IGF1: variants seen among roughly 807,000 people sequenced by gnomAD.
IGF1 encodes insulin-like growth factor 1.
A neutral mutation model predicts 13.8 loss-of-function variants in IGF1; 4 were observed. The observed-to-expected ratio is 0.29, with a 90% CI of 0.14 to 0.66. The LOEUF (loss-of-function observed/expected upper bound fraction) is 0.66, where lower values mean the gene tolerates loss of function less well. Among genes scored for constraint, IGF1 ranks in the 30% least tolerant of loss-of-function variants. The pLI is 0.78. For synonymous variants in IGF1, 76 were observed against 72.6 expected, an observed-to-expected ratio of 1.05 and a Z score of -0.23; for missense variants, 124 against 188.5, an observed-to-expected ratio of 0.66 and a Z score of 2.00.
At chr12:102,420,472 A>G (rs2137005017) in intron 2 of IGF1, among the ~76,000 whole-genome samples, 2 of 152,350 alleles carry the variant, frequency 1.3e-5, no homozygotes, top group South Asian at 4.1e-4. Flanking sequence ...CCTGACATAT[A>G]GTGTAAGTCG....
intron 2 of IGF1, among the ~76,000 whole-genome samples, chr12:102,451,580 A>G (rs969879076): frequency 6.6e-6 from 1 of 152,262 alleles, no homozygotes; most frequent in African/African-American, 2.4e-5. Context: ...GATGAGAAAG[A>G]TATTCCAACC....
At chr12:102,442,649 C>G (rs978464859) in intron 2 of IGF1, among the ~76,000 whole-genome samples, 2 of 152,038 alleles carry the variant, frequency 1.3e-5, no homozygotes, top group African/African-American at 4.8e-5. Context: ...TTGGCACCAT[C>G]CAACAATAAC....
intron 2 of IGF1, among the ~76,000 whole-genome samples, chr12:102,427,693 C>A (rs945261717): frequency 1.3e-5 from 2 of 152,056 alleles, no homozygotes; most frequent in Admixed American, 6.6e-5. Context: ...GTGGACGCTC[C>A]TTAAAGAGAG....
At chr12:102,427,823 G>T (rs1027113990) in intron 2 of IGF1, among the ~76,000 whole-genome samples, 15 of 152,142 alleles carry the variant, frequency 9.9e-5, no homozygotes, top group African/African-American at 3.6e-4. Context: ...TTGAACACAG[G>T]AGAGAGGGAA....
At chr12:102,429,778 T>C (rs1011092861) in intron 2 of IGF1, among the ~76,000 whole-genome samples, 2 of 152,216 alleles carry the variant, frequency 1.3e-5, no homozygotes, top group African/African-American at 2.4e-5. Context: ...TACTCAAACA[T>C]GCTGTGAATG....
At chr12:102,417,954 C>T (rs1315701441) in intron 3 of IGF1, 2 of 1,613,590 alleles carry the variant, frequency 1.2e-6, no homozygotes, top group South Asian at 1.1e-5. Context: ...CTTTGGCCAA[C>T]CTTTCCTTCT....
At chr12:102,424,059 A>G (rs879331950) in intron 2 of IGF1, among the ~76,000 whole-genome samples, 1 of 152,120 alleles carries the variant, frequency 6.6e-6, no homozygotes, top group Admixed American at 6.5e-5. Context: ...TTTCAACTCT[A>G]TCATTGGAAA....
At chr12:102,435,460 G>A (rs1877146512) in intron 2 of IGF1, among the ~76,000 whole-genome samples, 1 of 152,186 alleles carries the variant, frequency 6.6e-6, no homozygotes, top group Admixed American at 6.5e-5. Flanking sequence ...ATGTGTATTG[G>A]CATCATCAAT....
At position 102,397,002 on chromosome 12, in the gene IGF1, A is replaced by T. The variant is rs1140655; in HGVS notation, c.*5505T>A. The T allele has an allele frequency of 0.67, 263,626 of 394,082 alleles. 89,252 individuals carry two copies. Among genetic ancestry groups the T allele is most frequent in the Non-Finnish European group, 0.7 (156,745 of 223,736 alleles). The allele number at this position is 394,082 out of a possible 1,614,324, so 24.4% of individuals were successfully genotyped here. A position where few individuals can be genotyped will look rare whatever the true frequency, so the allele number is the denominator to read the frequency against. ...CAAATCACAAGGTCAGGAGTTTGAG[A>T]CCAACCTGGCCAACATGGTAAAACC... On this transcript the variant is annotated 3_prime_UTR_variant, in exon 4 of 4. Coordinates refer to ENST00000337514, the MANE Select transcript of IGF1 (RefSeq NM_000618.5).
chr12:102,417,950 C>T, intron 3 of IGF1: 50 of 1,613,584 alleles, frequency 3.1e-5, no homozygotes, highest in Non-Finnish European at 4.2e-5. Context: ...GTGTCTTTGG[C>T]CAACCTTTCC....
chr12:102,463,313 A>T (rs1188581116), intron 2 of IGF1: 1 of 152,190 alleles, frequency 6.6e-6, no homozygotes, highest in Non-Finnish European at 1.5e-5. Context: ...GAAACATAAA[A>T]CTCAAACTAC....
chr12:102,421,635 G>A (rs1875731191), intron 2 of IGF1, among the ~76,000 whole-genome samples: 1 of 152,188 alleles, frequency 6.6e-6, no homozygotes, highest in Admixed American at 6.5e-5. Flanking sequence ...ATGTAATTGG[G>A]ATTCATTTGT....
intron 2 of IGF1, among the ~76,000 whole-genome samples, chr12:102,466,563 A>G (rs879043174): frequency 2.6e-5 from 4 of 152,134 alleles, no homozygotes; most frequent in Admixed American, 6.5e-5. Context: ...TCTGTTGCCA[A>G]TGGCGCTTGG....
At chr12:102,471,900 G>A (rs1880708968) in intron 2 of IGF1, among the ~76,000 whole-genome samples, 1 of 152,090 alleles carries the variant, frequency 6.6e-6, no homozygotes, top group Non-Finnish European at 1.5e-5. Flanking sequence ...ATGTTAAAAT[G>A]GTTAATCACC....
Position 102,445,973 on chromosome 12 carries a change from T to G in IGF1, c.221-26283A>C, listed in dbSNP as rs186398238. Among the ~76,000 whole-genome samples, 41 of 152,362 alleles carry G rather than the reference T, an allele frequency of 2.7e-4. No individual in the cohort carries two copies. In the East Asian group the frequency reaches 7.7e-3, roughly 29 times the overall value. ...GTTGAATTTTATTGAAGGCCTTTTCTGCATCTCTTGAGATAATCATGTGGT... is the reference window on the plus strand; with the variant it reads ...GTTGAATTTTATTGAAGGCCTTTTCGGCATCTCTTGAGATAATCATGTGGT... On this transcript the variant is annotated intron_variant, in intron 2 of 3. Coordinates refer to ENST00000337514, the MANE Select transcript of IGF1 (RefSeq NM_000618.5).
Position 102,402,498 on chromosome 12 carries a change from A to G in IGF1, c.*9T>C, listed in dbSNP as rs1335588590. 1.3e-6 allele frequency: 1 copy of G among 780,694 alleles called. No homozygotes were observed. The allele number at this position is 780,694 out of a possible 1,614,324, so 48.4% of individuals were successfully genotyped here. A position where few individuals can be genotyped will look rare whatever the true frequency, so the allele number is the denominator to read the frequency against. On this transcript the variant is annotated 3_prime_UTR_variant, in exon 4 of 4. Coordinates refer to ENST00000337514, the MANE Select transcript of IGF1 (RefSeq NM_000618.5). Reference sequence around the variant, plus strand: ...GGCATGTCACTCTTCACTCCTCAGGAGGGTCTTCCTACATCCTGTAGTTCT... The same window carrying G: ...GGCATGTCACTCTTCACTCCTCAGGGGGGTCTTCCTACATCCTGTAGTTCT...
At chr12:102,469,274 A>G (rs1157852796) in intron 2 of IGF1, among the ~76,000 whole-genome samples, 1 of 152,234 alleles carries the variant, frequency 6.6e-6, no homozygotes, top group African/African-American at 2.4e-5. Context: ...GTTTGGTCCA[A>G]TTAAACAGCA....
chr12:102,438,033 G>T (rs974840332), intron 2 of IGF1, among the ~76,000 whole-genome samples: 1 of 152,162 alleles, frequency 6.6e-6, no homozygotes, highest in South Asian at 2.1e-4. Flanking sequence ...ATGCATTTTG[G>T]TAGGAGGCAT....
chr12:102,465,897 A>G lies in IGF1; in HGVS notation c.220+9746T>C, dbSNP rs150708329. 2.2e-3 allele frequency among the ~76,000 whole-genome samples: 328 copies of G among 152,086 alleles called. 9 individuals carry two copies. The East Asian group carries it at 0.053, about 25-fold the overall frequency. ...GGTTGCAGTGAGCCGAGATTGCACC[A>G]CTGTACTCCAGCCTGGGCAACAGAG... On this transcript the variant is annotated intron_variant, in intron 2 of 3. Coordinates refer to ENST00000337514, the MANE Select transcript of IGF1 (RefSeq NM_000618.5).
Sources: allele counts gnomAD v4.1 joint callset (sites outside exome capture counted in the v4.1 genomes callset), GRCh38; gene constraint gnomAD v4.1.1; transcripts MANE v1.5; gene names NCBI Gene and HGNC (gene_info 2026-07-23, HGNC 2026-07-21).